The following GRIA4 variants were observed in gnomAD, a reference collection of about 807,000 sequenced individuals.
GRIA4 encodes the protein glutamate receptor 4.
Under a neutral mutation model 104.0 loss-of-function variants are expected in GRIA4, and 34 were observed. The ratio of observed to expected loss-of-function variants is 0.33; its 90% CI spans 0.25 to 0.44. The LOEUF is 0.44. Among genes scored for constraint, GRIA4 ranks in the 20% least tolerant of loss-of-function variants. The pLI is 1.00. For missense variants in GRIA4, 750 were observed against 1,096.5 expected, an observed-to-expected ratio of 0.68 and a Z score of 4.46; for synonymous variants, 386 against 381.9, an observed-to-expected ratio of 1.01 and a Z score of -0.13.
intron 14 of GRIA4, chr11:105,966,178 C>A: frequency 3.0e-6 from 2 of 669,674 alleles, no homozygotes; most frequent in Non-Finnish European, 2.6e-6. Context: ...CCAGTCCCTT[C>A]GCAAACTTAC....
chr11:105,829,439 G>C (rs1408431640), intron 4 of GRIA4, among the ~76,000 whole-genome samples: 2 of 152,004 alleles, frequency 1.3e-5, no homozygotes, highest in African/African-American at 2.4e-5. Context: ...GCTGTGGAAT[G>C]ATTTTAATTA....
chr11:105,897,343 G>A (rs763029227), intron 6 of GRIA4, among the ~76,000 whole-genome samples: 2 of 152,016 alleles, frequency 1.3e-5, no homozygotes, highest in Non-Finnish European at 2.9e-5. Context: ...GGTGTAGGAT[G>A]ACATCATTAG....
At chr11:105,626,509 T>C (rs1591460518) in intron 3 of GRIA4, among the ~76,000 whole-genome samples, 1 of 152,200 alleles carries the variant, frequency 6.6e-6, no homozygotes, top group Non-Finnish European at 1.5e-5. Flanking sequence ...CATTTAAAAT[T>C]GATACAAAGC....
chr11:105,634,274 G>A (rs1406891696), intron 3 of GRIA4, among the ~76,000 whole-genome samples: 1 of 151,252 alleles, frequency 6.6e-6, no homozygotes, highest in Non-Finnish European at 1.5e-5. Context: ...TTGAACCTGG[G>A]AGGTGGAGGT....
chr11:105,631,554 A>G (rs1306317763), intron 3 of GRIA4, among the ~76,000 whole-genome samples: 1 of 152,170 alleles, frequency 6.6e-6, no homozygotes, highest in Non-Finnish European at 1.5e-5. Context: ...TATATTCCTT[A>G]TGCATCTGTG....
chr11:105,676,291 A>C (rs1232530022), intron 3 of GRIA4, among the ~76,000 whole-genome samples: 3 of 151,660 alleles, frequency 2.0e-5, no homozygotes, highest in Non-Finnish European at 4.4e-5. Flanking sequence ...GTTGGTATCT[A>C]CTCTAGAAAA....
chr11:105,783,912 G>C (rs902142673), intron 4 of GRIA4, among the ~76,000 whole-genome samples: 1 of 152,140 alleles, frequency 6.6e-6, no homozygotes, highest in Non-Finnish European at 1.5e-5. Context: ...AAGCTGCATT[G>C]AAACAGATGA....
chr11:105,774,323 T>C (rs904265980), intron 4 of GRIA4, among the ~76,000 whole-genome samples: 4 of 151,758 alleles, frequency 2.6e-5, no homozygotes, highest in Admixed American at 2.0e-4. Flanking sequence ...TACTGAGATA[T>C]AAATTTATAG....
intron 5 of GRIA4, among the ~76,000 whole-genome samples, chr11:105,880,393 A>C (rs1307366670): frequency 6.6e-6 from 1 of 152,182 alleles, no homozygotes; most frequent in African/African-American, 2.4e-5. Flanking sequence ...CCATGGTGGG[A>C]TAAAGGGGTG....
intron 14 of GRIA4, among the ~76,000 whole-genome samples, chr11:105,941,207 G>T (rs1286681671): frequency 2.0e-5 from 3 of 152,112 alleles, no homozygotes; most frequent in African/African-American, 7.2e-5. Flanking sequence ...TGAAAATATT[G>T]TTTATCCTCC....
chr11:105,858,412 A>G (rs1251015026), intron 4 of GRIA4, among the ~76,000 whole-genome samples: 3 of 152,090 alleles, frequency 2.0e-5, no homozygotes, highest in African/African-American at 7.2e-5. Context: ...TATGGGGTGC[A>G]TGAAATATTT....
chr11:105,729,986 C>T (rs1938484334), intron 3 of GRIA4, among the ~76,000 whole-genome samples: 1 of 152,174 alleles, frequency 6.6e-6, no homozygotes, highest in Non-Finnish European at 1.5e-5. Flanking sequence ...AGGATGCCCT[C>T]TCTCACCACT....
At chr11:105,727,944 G>A (rs1286847165) in intron 3 of GRIA4, among the ~76,000 whole-genome samples, 6 of 152,046 alleles carry the variant, frequency 3.9e-5, no homozygotes, top group African/African-American at 1.2e-4. Flanking sequence ...AAAAACAGTC[G>A]ACACTATGAA....
intron 3 of GRIA4, among the ~76,000 whole-genome samples, chr11:105,738,443 A>C (rs1939092647): frequency 6.6e-6 from 1 of 152,152 alleles, no homozygotes; most frequent in African/African-American, 2.4e-5. Context: ...TCTTGCTACC[A>C]CAGAGTTATG....
chr11:105,797,555 T>A (rs541140917), intron 4 of GRIA4, among the ~76,000 whole-genome samples: 6 of 152,154 alleles, frequency 3.9e-5, no homozygotes, highest in African/African-American at 1.4e-4. Context: ...TAAAACTTAT[T>A]CCCCAATTTC....
chr11:105,860,293 A>G (rs1227035057), intron 4 of GRIA4, among the ~76,000 whole-genome samples: 1 of 152,176 alleles, frequency 6.6e-6, no homozygotes, highest in African/African-American at 2.4e-5. Context: ...TGGAACTCTG[A>G]CATGTAGAAA....
intron 6 of GRIA4, among the ~76,000 whole-genome samples, chr11:105,893,713 G>C (rs1946537410): frequency 6.6e-6 from 1 of 152,146 alleles, no homozygotes; most frequent in Non-Finnish European, 1.5e-5. Context: ...AGAAGGTTTG[G>C]CAGACCTTCT....
chr11:105,976,378 T>C (rs774118777), intron 16 of GRIA4, among the ~76,000 whole-genome samples: 17 of 152,150 alleles, frequency 1.1e-4, no homozygotes, highest in Non-Finnish European at 2.5e-4. Flanking sequence ...TCCCACGTCA[T>C]ATATATACAA....
chr11:105,732,924 C>T (rs867249507), intron 3 of GRIA4, among the ~76,000 whole-genome samples: 3 of 152,144 alleles, frequency 2.0e-5, no homozygotes, highest in Non-Finnish European at 2.9e-5. Context: ...AATCGCATAG[C>T]ACTTTGCAGT....
Sources: allele counts gnomAD v4.1 joint callset (sites outside exome capture counted in the v4.1 genomes callset), GRCh38; gene constraint gnomAD v4.1.1; transcripts MANE v1.5; gene names NCBI Gene and HGNC (gene_info 2026-07-23, HGNC 2026-07-21).